NRCAM: variants seen among roughly 807,000 people sequenced by gnomAD.
NRCAM encodes NgCAM-related cell adhesion molecule.
NRCAM carries 83 observed loss-of-function variants against 156.5 expected under a neutral mutation model. That is an observed-to-expected ratio of 0.53 (90% CI 0.44 to 0.64). The LOEUF (loss-of-function observed/expected upper bound fraction) is 0.64, where lower values mean the gene tolerates loss of function less well. Ranked by LOEUF, NRCAM falls within the 30% of genes least tolerant of loss-of-function variation. NRCAM has a pLI of 0.00. For missense variants in NRCAM, 1,417 were observed against 1,597.3 expected (o/e 0.89, Z 1.92); for synonymous variants, 538 against 563.9 (o/e 0.95, Z 0.65).
chr7:108,380,240 G>A (rs1333863773), intron 2 of NRCAM, among the ~76,000 whole-genome samples: 1 of 152,086 alleles, frequency 6.6e-6, no homozygotes, highest in Non-Finnish European at 1.5e-5. Flanking sequence ...AAATTAGTAT[G>A]AAATTAATTA....
intron 1 of NRCAM, among the ~76,000 whole-genome samples, chr7:108,419,586 A>C (rs191599099): frequency 6.6e-6 from 1 of 152,288 alleles, no homozygotes; most frequent in African/African-American, 2.4e-5. Flanking sequence ...TGTACTCACA[A>C]ACAGGCATGC....
chr7:108,291,076 T>G (rs559012099), intron 3 of NRCAM, among the ~76,000 whole-genome samples: 3 of 152,234 alleles, frequency 2.0e-5, no homozygotes, highest in Admixed American at 2.0e-4. Context: ...GAGTCCAGAA[T>G]CTAGTCACTC....
chr7:108,231,302 G>T, intron 7 of NRCAM, 149 bp from the exon 8 acceptor site: 1 of 582,000 alleles, frequency 1.7e-6, no homozygotes, highest in Non-Finnish European at 2.8e-6. Flanking sequence ...TAAATACAAT[G>T]TTAAAAGAAA....
chr7:108,154,977 A>C lies in NRCAM; in HGVS notation c.3677+4486T>G, dbSNP rs146862645. Among the ~76,000 whole-genome samples the C allele has an allele frequency of 1.6e-4, 25 of 152,044 alleles. No homozygotes were observed. The East Asian group carries it at 4.5e-3, about 27-fold the overall frequency. ...AGATGAATTTTGTAATGAAATAGTA[A>C]ATAACTTTTTGACATTGTATTCAGT... On this transcript the variant is annotated intron_variant, in intron 32 of 32. Transcript: ENST00000379028.
At chr7:108,270,962 C>G (rs2097322732) in intron 3 of NRCAM, among the ~76,000 whole-genome samples, 1 of 152,126 alleles carries the variant, frequency 6.6e-6, no homozygotes, top group Non-Finnish European at 1.5e-5. Context: ...GATGCTGGCA[C>G]AAGGTGAATA....
In NRCAM at chr7:108,225,703, T is replaced by C. The variant is rs1439043814; in HGVS notation, c.722-2A>G. The C allele has an allele frequency of 6.3e-7, 1 of 1,583,916 alleles. No homozygotes were observed. Among genetic ancestry groups the C allele is most frequent in the Non-Finnish European group, 8.7e-7 (1 of 1,152,744 alleles). On this transcript the variant is annotated splice_acceptor_variant, in intron 9 of 32. Coordinates refer to ENST00000379028, the MANE Select transcript of NRCAM (RefSeq NM_001037132.4). LOFTEE classifies it high-confidence loss of function. ...CTATAGTGTCATTCAATTCATCCACTGAAATAAACAGAATATTATGAAGAG... is the reference window on the plus strand; with the variant it reads ...CTATAGTGTCATTCAATTCATCCACCGAAATAAACAGAATATTATGAAGAG...
chr7:108,339,894 G>A (rs150170902), intron 2 of NRCAM, among the ~76,000 whole-genome samples: 256 of 152,146 alleles, frequency 1.7e-3, no homozygotes, highest in African/African-American at 5.7e-3. Flanking sequence ...AGAAAGAAAC[G>A]ACTTATATTC....
intron 2 of NRCAM, among the ~76,000 whole-genome samples, chr7:108,366,101 C>T (rs570082831): frequency 2.0e-5 from 3 of 152,274 alleles, no homozygotes; most frequent in East Asian, 3.9e-4. Flanking sequence ...GTTCAAGGTG[C>T]CATCTTGGAA....
In NRCAM at chr7:108,182,771, C is replaced by T. The variant is rs1391088836; in HGVS notation, c.2454G>A (p.Leu818=). 1 of 1,614,076 alleles carries T rather than the reference C, an allele frequency of 6.2e-7. No individual in the cohort carries two copies. The highest frequency in any genetic ancestry group is 1.3e-5 in the African/African-American group (1 of 74,926). ...TGTCATTCAGGGCCTGAACTTTGAT[C>T]AGGTATGGAACAAAGGTTGGCGTGC... ...VSGTPTFVPY[L]IKVQALNDMG... Residue 818 remains leucine (L), a synonymous_variant, in exon 23 of 33, where the codon CTG becomes CTA. Transcript: ENST00000379028.
At chr7:108,232,569 G>A in intron 6 of NRCAM, 47 bp from the exon 7 acceptor site, 1 of 1,355,298 alleles carries the variant, frequency 7.4e-7, no homozygotes, top group Non-Finnish European at 1.0e-6. Flanking sequence ...CCAGAAAAAT[G>A]GGATTACCTT....
intron 7 of NRCAM, among the ~76,000 whole-genome samples, chr7:108,231,946 T>C (rs1329021550): frequency 6.6e-6 from 1 of 152,192 alleles, no homozygotes; most frequent in African/African-American, 2.4e-5. Context: ...GAAACAAAAA[T>C]GTTTAAAGAA....
chr7:108,159,581 G>T (rs780464845), intron 31 of NRCAM, 40 bp from the exon 32 acceptor site: 3 of 1,478,492 alleles, frequency 2.0e-6, no homozygotes, highest in Non-Finnish European at 2.8e-6. Context: ...TGTTGATCCT[G>T]TTCTTTCTTA....
intron 2 of NRCAM, among the ~76,000 whole-genome samples, chr7:108,393,747 A>G (rs1287912524): frequency 6.6e-6 from 1 of 152,154 alleles, no homozygotes; most frequent in East Asian, 1.9e-4. Context: ...AATTTTTTAT[A>G]GTAAGTGCCT....
At chr7:108,349,025 G>A (rs2099391444) in intron 2 of NRCAM, among the ~76,000 whole-genome samples, 1 of 152,024 alleles carries the variant, frequency 6.6e-6, no homozygotes. Flanking sequence ...TATGTGATGC[G>A]CTGTGTAAAA....
Position 108,184,412 on chromosome 7 carries a change from T to A in NRCAM, c.2233+5A>T. The A allele has an allele frequency of 6.2e-7, 1 of 1,614,136 alleles. No homozygotes were observed. On this transcript the variant is annotated splice_donor_5th_base_variant and intron_variant, in intron 21 of 32. Transcript: ENST00000379028. The stretch of plus-strand genomic sequence containing the variant: ...TACCCTAGAAGTCCCGCTTTCCCGC[T>A]TTACCTGAGGCTTTCGTCAAATACT...
At chr7:108,414,115 G>T (rs1324879394) in intron 1 of NRCAM, among the ~76,000 whole-genome samples, 4 of 152,228 alleles carry the variant, frequency 2.6e-5, no homozygotes, top group South Asian at 2.1e-4. Flanking sequence ...AACATAATCT[G>T]AAAACAGGAA....
At chr7:108,311,560 G>A (rs956670037) in intron 3 of NRCAM, among the ~76,000 whole-genome samples, 8 of 152,108 alleles carry the variant, frequency 5.3e-5, no homozygotes, top group African/African-American at 1.4e-4. Flanking sequence ...TTCAGGGACT[G>A]TTCAAGCAGA....
chr7:108,207,396 G>T, intron 13 of NRCAM, 132 bp downstream of exon 13: 4 of 754,286 alleles, frequency 5.3e-6, no homozygotes, highest in East Asian at 2.6e-5. Context: ...AAGGTAATTT[G>T]GTGCCTGTGT....
chr7:108,187,618 T>C (rs960374891), intron 20 of NRCAM, among the ~76,000 whole-genome samples: 4 of 152,020 alleles, frequency 2.6e-5, no homozygotes, highest in Admixed American at 6.6e-5. Flanking sequence ...TATATATGAG[T>C]TTGAGTCCTC....
Sources: gnomAD v4.1 joint callset for allele counts (sites outside exome capture counted in the v4.1 genomes callset) on GRCh38, gnomAD v4.1.1 for gene constraint, MANE v1.5 for transcripts, NCBI Gene and HGNC (gene_info 2026-07-23, HGNC 2026-07-21) for gene names.